Variants in AOAH observed in about 807,000 individuals in gnomAD.
AOAH encodes the protein acyloxyacyl hydrolase, also known as acyloxyacyl hydrolase (neutrophil).
Under a neutral mutation model 92.2 loss-of-function variants are expected in AOAH, and 64 were observed. The ratio of observed to expected loss-of-function variants is 0.69; its 90% CI spans 0.57 to 0.86. AOAH has a LOEUF of 0.86. Ranked by LOEUF, AOAH falls within the 40% of genes least tolerant of loss-of-function variation. The probability of loss-of-function intolerance (pLI) is 0.00; values close to 1 mark genes in which losing one functional copy is unlikely to be tolerated. For missense variants in AOAH, 656 were observed against 694.6 expected (o/e 0.94, Z 0.62); for synonymous variants, 263 against 254.5 (o/e 1.03, Z -0.32).
rs189344402 is a variant in AOAH at position 36,627,622 on chromosome 7, G to A, written c.522-4372C>T. Among the ~76,000 whole-genome samples the A allele has an allele frequency of 7.9e-5, 12 of 151,902 alleles. 1 individual carries two copies. Among genetic ancestry groups the A allele is most frequent in the South Asian group, 6.2e-4 (3 of 4,806 alleles). ...ACCCTGATTGCAAGGATGGCTCCTCGGGAGGGGCAGCAGGAGTCAGGTGTC... is the reference window on the plus strand; with the variant it reads ...ACCCTGATTGCAAGGATGGCTCCTCAGGAGGGGCAGCAGGAGTCAGGTGTC... On this transcript the variant is annotated intron_variant, in intron 6 of 20. Coordinates refer to ENST00000617537, the MANE Select transcript of AOAH (RefSeq NM_001637.4).
intron 1 of AOAH, among the ~76,000 whole-genome samples, chr7:36,723,128 C>T (rs1346089167): frequency 6.6e-6 from 1 of 151,960 alleles, no homozygotes; most frequent in Non-Finnish European, 1.5e-5. Flanking sequence ...AGCCATCAGA[C>T]TTATCCTAGA....
chr7:36,707,046 T>TC (rs1320647195), intron 1 of AOAH, among the ~76,000 whole-genome samples: 1 of 146,938 alleles, frequency 6.8e-6, no homozygotes, highest in Non-Finnish European at 1.5e-5. Flanking sequence ...TCTTTTCTTT[T>TC]TTTTTTTTGG....
intron 1 of AOAH, among the ~76,000 whole-genome samples, chr7:36,689,607 C>T (rs1797258890): frequency 6.6e-6 from 1 of 152,012 alleles, no homozygotes; most frequent in African/African-American, 2.4e-5. Context: ...ATCACATGAA[C>T]TGGATGGTAA....
intron 20 of AOAH, among the ~76,000 whole-genome samples, chr7:36,515,398 CCA>C (rs1562851116): frequency 6.4e-5 from 8 of 124,610 alleles, no homozygotes; most frequent in African/African-American, 9.2e-5. Flanking sequence ...CAACCCCACA[CCA>C]CACACACAAA....
chr7:36,557,652 A>G (rs2116429293), intron 13 of AOAH, among the ~76,000 whole-genome samples: 1 of 152,248 alleles, frequency 6.6e-6, no homozygotes, highest in South Asian at 2.1e-4. Context: ...CTTTTCACAT[A>G]GTCCCATATT....
At chr7:36,711,400 G>A (rs866114086) in intron 1 of AOAH, among the ~76,000 whole-genome samples, 5 of 151,992 alleles carry the variant, frequency 3.3e-5, no homozygotes, top group African/African-American at 7.3e-5. Context: ...CTGAAGCACA[G>A]CATGCTGTCA....
chr7:36,669,420 T>C (rs1795772015), intron 3 of AOAH, among the ~76,000 whole-genome samples: 1 of 150,842 alleles, frequency 6.6e-6, no homozygotes, highest in Non-Finnish European at 1.5e-5. Flanking sequence ...TCTTTCTCTG[T>C]TGCCCAGGCT....
chr7:36,535,787 C>T (rs936874472), intron 16 of AOAH, among the ~76,000 whole-genome samples: 2 of 152,166 alleles, frequency 1.3e-5, no homozygotes, highest in Non-Finnish European at 2.9e-5. Context: ...TTCTCAAAAG[C>T]ACAGAGTAGG....
At chr7:36,673,832 C>A in intron 3 of AOAH, 111 bp downstream of exon 3, 1 of 704,164 alleles carries the variant, frequency 1.4e-6, no homozygotes, top group Non-Finnish European at 2.4e-6. Flanking sequence ...ACACCTCGAG[C>A]CCTGTCCAGA....
chr7:36,522,136 G>T (rs1412255252), intron 19 of AOAH, 21 bp from the exon 20 acceptor site: 1 of 1,612,244 alleles, frequency 6.2e-7, no homozygotes, highest in East Asian at 2.2e-5. Context: ...CATAACGAGA[G>T]GGTTACAGAC....
intron 3 of AOAH, among the ~76,000 whole-genome samples, chr7:36,673,254 T>C (rs562612462): frequency 6.6e-6 from 1 of 152,152 alleles, no homozygotes; most frequent in South Asian, 2.1e-4. Context: ...AAAAGAAAAA[T>C]AGTAGCTGGG....
chr7:36,558,978 C>T (rs1285047033), intron 13 of AOAH, among the ~76,000 whole-genome samples: 1 of 152,156 alleles, frequency 6.6e-6, no homozygotes, highest in East Asian at 1.9e-4. Context: ...GTGCGCTGCA[C>T]CCACTGTCCT....
At chr7:36,636,210 G>T (rs1330220316) in intron 5 of AOAH, among the ~76,000 whole-genome samples, 1 of 152,170 alleles carries the variant, frequency 6.6e-6, no homozygotes, top group Non-Finnish European at 1.5e-5. Context: ...TGCCTTGATA[G>T]CTGTAATCTG....
intron 7 of AOAH, among the ~76,000 whole-genome samples, chr7:36,622,363 A>C (rs1293290580): frequency 1.3e-5 from 2 of 152,238 alleles, no homozygotes; most frequent in Non-Finnish European, 2.9e-5. Context: ...CTCTAGCCAA[A>C]TGGTTAATTA....
chr7:36,660,272 T>C (rs1795132976), intron 3 of AOAH, among the ~76,000 whole-genome samples: 1 of 151,752 alleles, frequency 6.6e-6, no homozygotes, highest in Admixed American at 6.6e-5. Context: ...TTATTATTAC[T>C]CAAATCAGTC....
intron 13 of AOAH, among the ~76,000 whole-genome samples, chr7:36,566,589 A>G (rs769046179): frequency 6.6e-6 from 1 of 152,050 alleles, no homozygotes; most frequent in Non-Finnish European, 1.5e-5. Flanking sequence ...TAAAATAATA[A>G]TTGGTCACAG....
intron 4 of AOAH, among the ~76,000 whole-genome samples, chr7:36,655,796 T>C (rs961498007): frequency 2.0e-5 from 3 of 152,030 alleles, no homozygotes; most frequent in Admixed American, 2.0e-4. Flanking sequence ...ACACTGGGTA[T>C]AGAGTGGTGA....
At chr7:36,694,371 AC>A (rs1307034910) in intron 1 of AOAH, among the ~76,000 whole-genome samples, 5 of 151,918 alleles carry the variant, frequency 3.3e-5, no homozygotes, top group African/African-American at 1.2e-4. Flanking sequence ...GGTGGCATGC[AC>A]CTGTAATCCC....
At chr7:36,629,753 C>CAACA (rs1792940529) in intron 6 of AOAH, among the ~76,000 whole-genome samples, 1 of 152,180 alleles carries the variant, frequency 6.6e-6, no homozygotes, top group Non-Finnish European at 1.5e-5. Context: ...GATATTATTA[C>CAACA]AACAGATGAG....
Sources: allele counts gnomAD v4.1 joint callset (sites outside exome capture counted in the v4.1 genomes callset), GRCh38; gene constraint gnomAD v4.1.1; transcripts MANE v1.5; gene names NCBI Gene and HGNC (gene_info 2026-07-23, HGNC 2026-07-21).